MGRN1: variants seen among roughly 807,000 people sequenced by gnomAD.
MGRN1 encodes the protein E3 ubiquitin-protein ligase MGRN1.
A neutral mutation model predicts 69.2 loss-of-function variants in MGRN1; 29 were observed. The observed-to-expected ratio is 0.42, with a 90% CI of 0.31 to 0.57. The LOEUF is 0.57. Ranked by LOEUF, MGRN1 falls within the 20% of genes least tolerant of loss-of-function variation. The pLI is 0.15. For missense variants in MGRN1, 998 were observed against 796.2 expected, an observed-to-expected ratio of 1.25 and a Z score of -3.05; for synonymous variants, 470 against 344.2, an observed-to-expected ratio of 1.37 and a Z score of -4.04.
At chr16:4,638,324 G>A (rs1386849401) in intron 1 of MGRN1, among the ~76,000 whole-genome samples, 1 of 152,114 alleles carries the variant, frequency 6.6e-6, no homozygotes, top group Non-Finnish European at 1.5e-5. Context: ...AAATTGCTGG[G>A]CGTGGTGGCG....
intron 11 of MGRN1, among the ~76,000 whole-genome samples, chr16:4,679,368 C>T (rs920723251): frequency 6.6e-6 from 1 of 152,182 alleles, no homozygotes; most frequent in Admixed American, 6.5e-5. Context: ...GACCAGGCAG[C>T]TCTGACCTCC....
At chr16:4,652,358 C>T (rs996976335) in intron 3 of MGRN1, among the ~76,000 whole-genome samples, 6 of 151,990 alleles carry the variant, frequency 3.9e-5, no homozygotes, top group Non-Finnish European at 2.9e-5. Flanking sequence ...ATGCACAGGA[C>T]GGCCCCCCCA....
chr16:4,668,769 C>CACACAG (rs758171154), intron 8 of MGRN1, among the ~76,000 whole-genome samples: 5,031 of 151,704 alleles, frequency 0.033, 133 homozygotes, highest in African/African-American at 0.067. Flanking sequence ...CATTCACACA[C>CACACAG]ACATAGACAT....
At chr16:4,652,368 A>T (rs1247705217) in intron 3 of MGRN1, among the ~76,000 whole-genome samples, 4 of 152,024 alleles carry the variant, frequency 2.6e-5, no homozygotes, top group Admixed American at 6.5e-5. Flanking sequence ...CGGCCCCCCC[A>T]CAGACAGGAA....
chr16:4,683,727 G>A (rs2079242497), intron 15 of MGRN1, 116 bp from the exon 16 acceptor site: 1 of 821,688 alleles, frequency 1.2e-6, no homozygotes, highest in Admixed American at 2.6e-5. Flanking sequence ...GCACAAGCCT[G>A]GGGTCCCCAC....
At chr16:4,663,212 C>T (rs1462214256) in intron 5 of MGRN1, among the ~76,000 whole-genome samples, 4 of 151,954 alleles carry the variant, frequency 2.6e-5, no homozygotes, top group Non-Finnish European at 2.9e-5. Flanking sequence ...TACAGGCATG[C>T]GTCACCATGC....
chr16:4,686,546 G>A lies in MGRN1; in HGVS notation c.1619-2250G>A, dbSNP rs1037175076. Reference sequence around the variant, plus strand: ...AGAGGTCTCTCCATCTGGACTAGGCGGCCGGTCAGGCTCTTCTTCCAGCCT... The same window carrying A: ...AGAGGTCTCTCCATCTGGACTAGGCAGCCGGTCAGGCTCTTCTTCCAGCCT... On this transcript the variant is annotated intron_variant, in intron 16 of 16. Transcript: ENST00000262370. 18 of 1,347,150 alleles carry A rather than the reference G, an allele frequency of 1.3e-5. No homozygotes were observed. In the South Asian group the frequency reaches 2.3e-4, roughly 17 times the overall value. 83.4% of individuals were successfully genotyped at this position (1,347,150 alleles called of 1,614,324 possible).
Position 4,683,859 on chromosome 16 carries a change from C to T in MGRN1, c.1545C>T (p.Ser515=), listed in dbSNP as rs2079246068. 6.2e-7 allele frequency: 1 copy of T among 1,610,448 alleles called. No homozygotes were observed. The highest frequency in any genetic ancestry group is 8.5e-7 in the Non-Finnish European group (1 of 1,178,128). ...SSPQQGTRAA[S]IENVLQDSSP... ...TGCCTGCAGGGACCCGAGCAGCTTC[C>T]ATTGAGAATGTCCTGCAGGACAGCA... Residue 515 remains serine, a synonymous_variant, in exon 16 of 17, where the codon TCC becomes TCT. Coordinates refer to ENST00000262370, the MANE Select transcript of MGRN1 (RefSeq NM_015246.4).
At chr16:4,641,145 G>C (rs946601065) in intron 1 of MGRN1, among the ~76,000 whole-genome samples, 74 of 152,274 alleles carry the variant, frequency 4.9e-4, no homozygotes, top group African/African-American at 1.7e-3. Flanking sequence ...TTGGTCCTGA[G>C]CTGGTGCACA....
intron 4 of MGRN1, among the ~76,000 whole-genome samples, chr16:4,655,107 A>G (rs1053718563): frequency 2.0e-5 from 3 of 152,108 alleles, no homozygotes; most frequent in African/African-American, 7.2e-5. Context: ...TTTGACACCC[A>G]CGGGGCCTGG....
chr16:4,650,712 CAG>C (rs35386372), intron 2 of MGRN1: 162 of 416,718 alleles, frequency 3.9e-4, no homozygotes, highest in African/African-American at 2.9e-3. Context: ...CACTGAGAAA[CAG>C]AGCAGCCATA....
At chr16:4,632,487 G>A (rs372283985) in intron 1 of MGRN1, among the ~76,000 whole-genome samples, 14 of 151,956 alleles carry the variant, frequency 9.2e-5, no homozygotes, top group Middle Eastern at 3.4e-3. Flanking sequence ...TCTGCCTCCC[G>A]GGTTCACGCC....
chr16:4,656,946 C>T (rs910032154), intron 4 of MGRN1, among the ~76,000 whole-genome samples: 1 of 151,730 alleles, frequency 6.6e-6, no homozygotes, highest in African/African-American at 2.4e-5. Context: ...AACTTAGCAC[C>T]GATGGAAAGG....
At chr16:4,672,392 C>G (rs2078958340) in intron 9 of MGRN1, 1 of 456,620 alleles carries the variant, frequency 2.2e-6, no homozygotes, top group Non-Finnish European at 4.4e-6. Flanking sequence ...AAACTCCTGC[C>G]TCTTAAGATC....
At chr16:4,682,697 G>T in intron 13 of MGRN1, 126 bp from the exon 14 acceptor site, 1 of 1,130,544 alleles carries the variant, frequency 8.8e-7, no homozygotes, top group Non-Finnish European at 1.2e-6. Context: ...CTTCTCCAGG[G>T]AGTGTCCTTG....
chr16:4,677,652 A>T, intron 11 of MGRN1, 80 bp downstream of exon 11: 1 of 1,337,628 alleles, frequency 7.5e-7, no homozygotes. Flanking sequence ...CAGACGGTCC[A>T]GCCAGCAGCC....
intron 1 of MGRN1, among the ~76,000 whole-genome samples, chr16:4,645,937 G>C (rs138719659): frequency 2.0e-4 from 31 of 152,332 alleles, no homozygotes; most frequent in African/African-American, 7.0e-4. Flanking sequence ...TGCTGTGGTT[G>C]TAGAAATGAA....
intron 5 of MGRN1, among the ~76,000 whole-genome samples, chr16:4,658,379 C>T (rs1027633061): frequency 6.6e-6 from 1 of 151,650 alleles, no homozygotes; most frequent in Non-Finnish European, 1.5e-5. Context: ...ACTAAAAATA[C>T]AAAAAAATTA....
intron 12 of MGRN1, 128 bp downstream of exon 12, chr16:4,680,225 C>T (rs781658415): frequency 5.6e-6 from 5 of 885,024 alleles, no homozygotes; most frequent in South Asian, 1.6e-5. Context: ...CTCCACTTGC[C>T]CAGTCCCGGC....
Sources: gnomAD v4.1 joint callset for allele counts (sites outside exome capture counted in the v4.1 genomes callset) on GRCh38, gnomAD v4.1.1 for gene constraint, MANE v1.5 for transcripts, NCBI Gene and HGNC (gene_info 2026-07-23, HGNC 2026-07-21) for gene names.